TBC1D22A: variants seen among roughly 807,000 people sequenced by gnomAD.
The protein encoded by TBC1D22A is putative GTPase activator.
In TBC1D22A, 38 loss-of-function variants were observed where a neutral mutation model predicts 60.2. The ratio of observed to expected loss-of-function variants is 0.63; its 90% CI spans 0.49 to 0.83. The LOEUF (loss-of-function observed/expected upper bound fraction) is 0.83, where lower values mean the gene tolerates loss of function less well. TBC1D22A is among the 40% of genes least tolerant of loss of function. TBC1D22A has a pLI of 0.00. For synonymous variants in TBC1D22A, 302 were observed against 281.7 expected (o/e 1.07, Z -0.72); for missense variants, 628 against 701.0 (o/e 0.90, Z 1.18).
chr22:47,066,468 T>C (rs1242555646), intron 11 of TBC1D22A, among the ~76,000 whole-genome samples: 2 of 152,212 alleles, frequency 1.3e-5, no homozygotes, highest in African/African-American at 4.8e-5. Context: ...ATATCATGGC[T>C]CAGCCCCGCG....
intron 11 of TBC1D22A, among the ~76,000 whole-genome samples, chr22:47,091,970 A>T (rs1012138020): frequency 6.6e-6 from 1 of 152,198 alleles, no homozygotes; most frequent in Non-Finnish European, 1.5e-5. Flanking sequence ...TGTACTGGAA[A>T]GCGTGTACTC....
chr22:46,900,747 G>C (rs561600007), intron 7 of TBC1D22A, among the ~76,000 whole-genome samples: 28 of 152,292 alleles, frequency 1.8e-4, no homozygotes, highest in Non-Finnish European at 3.7e-4. Context: ...CTGCTGAGTA[G>C]TGTTCCCGTA....
At chr22:47,027,925 C>T (rs747142442) in intron 10 of TBC1D22A, among the ~76,000 whole-genome samples, 3 of 152,160 alleles carry the variant, frequency 2.0e-5, no homozygotes, top group African/African-American at 7.2e-5. Flanking sequence ...CTTTGAACTG[C>T]GGGTTCCCTG....
chr22:47,094,690 A>G (rs975645384), intron 11 of TBC1D22A, among the ~76,000 whole-genome samples: 23 of 152,246 alleles, frequency 1.5e-4, no homozygotes, highest in African/African-American at 5.1e-4. Context: ...TTAAAAGTTC[A>G]GTATAGTTTA....
At position 47,111,528 on chromosome 22, in the gene TBC1D22A, T is replaced by C. The variant is rs1398225846; in HGVS notation, c.1350T>C (p.Ser450=). ...DTYQSEPDGF[S]HFHLYVCAAF... ...TTTAGTCTGAACCGGACGGCTTTTC[T>C]CATTTCCACTTGTACGTGTGCGCTG... The change falls in exon 12 of 13, where the codon TCT becomes TCC. Residue 450 remains serine (S), a synonymous_variant. Transcript: ENST00000337137. 3.1e-6 allele frequency: 5 copies of C among 1,613,962 alleles called. No homozygotes were observed. Among genetic ancestry groups the C allele is most frequent in the Non-Finnish European group, 4.2e-6 (5 of 1,180,006 alleles).
chr22:46,949,633 C>T (rs2072775548), intron 8 of TBC1D22A, among the ~76,000 whole-genome samples: 1 of 152,228 alleles, frequency 6.6e-6, no homozygotes, highest in South Asian at 2.1e-4. Context: ...ATCATTTCAT[C>T]CATCTGCCGA....
At chr22:46,989,233 C>G (rs2074842223) in intron 9 of TBC1D22A, among the ~76,000 whole-genome samples, 1 of 152,208 alleles carries the variant, frequency 6.6e-6, no homozygotes. Context: ...ACCGCTGAAA[C>G]TTTGTCCACA....
intron 8 of TBC1D22A, among the ~76,000 whole-genome samples, chr22:46,969,220 T>C (rs1602720081): frequency 1.3e-5 from 2 of 152,244 alleles, no homozygotes; most frequent in East Asian, 3.8e-4. Flanking sequence ...ATTGTTTTTT[T>C]CTGTTGCAGA....
chr22:46,850,356 A>G (rs1158842842), intron 4 of TBC1D22A, among the ~76,000 whole-genome samples: 2 of 152,308 alleles, frequency 1.3e-5, no homozygotes, highest in South Asian at 4.1e-4. Context: ...GCATGTGTGC[A>G]TTAGAAATTC....
chr22:47,142,381 G>A (rs58182371), intron 12 of TBC1D22A, among the ~76,000 whole-genome samples: 21 of 28,046 alleles, frequency 7.5e-4, no homozygotes, highest in Non-Finnish European at 1.0e-3. Flanking sequence ...CCATCCATCC[G>A]CCCACCCATT....
intron 11 of TBC1D22A, among the ~76,000 whole-genome samples, chr22:47,099,955 T>G (rs1407618608): frequency 6.6e-6 from 1 of 152,136 alleles, no homozygotes; most frequent in East Asian, 1.9e-4. Context: ...AGTGAGGGCC[T>G]CGAGCACCAG....
intron 11 of TBC1D22A, among the ~76,000 whole-genome samples, chr22:47,091,725 C>G (rs973133838): frequency 6.6e-6 from 1 of 152,178 alleles, no homozygotes; most frequent in Non-Finnish European, 1.5e-5. Flanking sequence ...CTCAGAGGTC[C>G]TGAGACCTTT....
chr22:47,074,961 C>T (rs566082077), intron 11 of TBC1D22A, among the ~76,000 whole-genome samples: 141 of 152,292 alleles, frequency 9.3e-4, no homozygotes, highest in Middle Eastern at 6.8e-3. Context: ...CGGTGGCTCA[C>T]GCCTGTAATC....
At chr22:46,933,533 GTTC>G (rs1211452824) in intron 8 of TBC1D22A, among the ~76,000 whole-genome samples, 1 of 152,110 alleles carries the variant, frequency 6.6e-6, no homozygotes, top group Non-Finnish European at 1.5e-5. Flanking sequence ...GTGAGAGGAA[GTTC>G]TTCTTCCTCT....
At chr22:46,856,045 G>A (rs529929064) in intron 4 of TBC1D22A, among the ~76,000 whole-genome samples, 1 of 152,304 alleles carries the variant, frequency 6.6e-6, no homozygotes, top group South Asian at 2.1e-4. Flanking sequence ...GAGTCCCTCG[G>A]CAGTGCTGAG....
chr22:46,763,444 C>T (rs545314707), intron 1 of TBC1D22A: 2 of 109,102 alleles, frequency 1.8e-5, no homozygotes, highest in East Asian at 6.4e-4. Context: ...GCTGGAATGA[C>T]CTGGGTACAC....
At chr22:46,936,655 G>A (rs2071675480) in intron 8 of TBC1D22A, among the ~76,000 whole-genome samples, 1 of 152,206 alleles carries the variant, frequency 6.6e-6, no homozygotes, top group African/African-American at 2.4e-5. Flanking sequence ...TAACCGCTCA[G>A]GCTCTGCAAT....
chr22:46,931,800 A>T, intron 8 of TBC1D22A, among the ~76,000 whole-genome samples: 1 of 152,104 alleles, frequency 6.6e-6, no homozygotes, highest in East Asian at 1.9e-4. Context: ...GATCTGACGG[A>T]CCTTCATTTT....
At chr22:46,844,355 C>T (rs2086900827) in intron 4 of TBC1D22A, among the ~76,000 whole-genome samples, 1 of 152,116 alleles carries the variant, frequency 6.6e-6, no homozygotes, top group Admixed American at 6.5e-5. Flanking sequence ...AGTTTATAAG[C>T]TTAGTTGCAT....
Sources: allele counts gnomAD v4.1 joint callset (sites outside exome capture counted in the v4.1 genomes callset), GRCh38; gene constraint gnomAD v4.1.1; transcripts MANE v1.5; gene names NCBI Gene and HGNC (gene_info 2026-07-23, HGNC 2026-07-21).